The following ARHGAP22 variants were observed in gnomAD, a reference collection of about 807,000 sequenced individuals.
ARHGAP22 encodes the protein rho GTPase-activating protein 22.
In ARHGAP22, 48 loss-of-function variants were observed where a neutral mutation model predicts 59.1. The observed-to-expected ratio is 0.81, with a 90% confidence interval of 0.64 to 1.03. The LOEUF is 1.03. Ranked by LOEUF, ARHGAP22 falls within the 50% of genes least tolerant of loss-of-function variation. ARHGAP22 has a pLI of 0.00. For missense variants in ARHGAP22, 1,015 were observed against 958.7 expected, an observed-to-expected ratio of 1.06 and a Z score of -0.78; for synonymous variants, 445 against 416.4, an observed-to-expected ratio of 1.07 and a Z score of -0.84.
intron 3 of ARHGAP22, chr10:48,511,502 C>T (rs12264798): frequency 0.014 from 2,171 of 152,372 alleles, 38 homozygotes; most frequent in African/African-American, 0.039. Flanking sequence ...TATTGGTAAA[C>T]GGAGGAAGCA....
At chr10:48,494,258 T>C (rs1204108730) in intron 3 of ARHGAP22, among the ~76,000 whole-genome samples, 5 of 152,150 alleles carry the variant, frequency 3.3e-5, no homozygotes, top group Non-Finnish European at 5.9e-5. Context: ...GGATTTGAAC[T>C]CAGCTGTTGT....
the ARHGAP22 span, among the ~76,000 whole-genome samples, chr10:48,434,455 G>A: frequency 1.3e-5 from 2 of 152,250 alleles, no homozygotes; most frequent in African/African-American, 2.4e-5. Context: ...AGACTTTTTT[G>A]TAGGGAAGTA....
chr10:48,635,585 G>C (rs2136120579), intron 1 of ARHGAP22, among the ~76,000 whole-genome samples: 1 of 152,352 alleles, frequency 6.6e-6, no homozygotes, highest in South Asian at 2.1e-4. Context: ...AGGGAGAAAG[G>C]GGGCCGGGTA....
intron 1 of ARHGAP22, among the ~76,000 whole-genome samples, chr10:48,644,854 GA>G (rs2136182038): frequency 6.6e-6 from 1 of 151,796 alleles, no homozygotes; most frequent in East Asian, 1.9e-4. Context: ...TTCATGTTAA[GA>G]AACTAGAAAA....
chr10:48,485,179 A>AT (rs1349861279), intron 3 of ARHGAP22, among the ~76,000 whole-genome samples: 5 of 150,470 alleles, frequency 3.3e-5, no homozygotes, highest in Admixed American at 6.6e-5. Context: ...TCTGATCTTT[A>AT]TTTTTTTTTC....
chr10:48,559,578 C>A (rs2057551183), intron 2 of ARHGAP22, among the ~76,000 whole-genome samples: 1 of 152,136 alleles, frequency 6.6e-6, no homozygotes. Context: ...TATGAGAATG[C>A]CCATTTCTGT....
intron 3 of ARHGAP22, among the ~76,000 whole-genome samples, chr10:48,519,225 C>G (rs1278704127): frequency 6.6e-6 from 1 of 152,210 alleles, no homozygotes; most frequent in Non-Finnish European, 1.5e-5. Context: ...TGCCTCCTGA[C>G]CTCTCCCTCC....
chr10:48,594,207 C>T (rs565052826), intron 1 of ARHGAP22, among the ~76,000 whole-genome samples: 4 of 152,350 alleles, frequency 2.6e-5, no homozygotes, highest in Admixed American at 2.0e-4. Flanking sequence ...AGACTAACAC[C>T]GATCAGCCCA....
chr10:48,479,826 C>T (rs144531462), intron 3 of ARHGAP22, 62 bp from the exon 4 acceptor site: 415 of 1,452,052 alleles, frequency 2.9e-4, no homozygotes, highest in African/African-American at 5.2e-4. Context: ...TCTCCACCGC[C>T]GGCACTAGTC....
In ARHGAP22 at chr10:48,474,265, A is replaced by T. The variant is rs1185080414; in HGVS notation, c.451+5371T>A. On this transcript the variant is annotated intron_variant, in intron 4 of 9. Transcript: ENST00000249601. ...TTTTCAGTTTGTTCATGGCTACTGT[A>T]CACAAATAAAATTGGTTTGTATATA... 2.0e-5 allele frequency among the ~76,000 whole-genome samples: 3 copies of T among 152,314 alleles called. 1 individual carries two copies. In the East Asian group the frequency reaches 5.8e-4, roughly 29 times the overall value.
chr10:48,516,274 C>T (rs1159282676), intron 3 of ARHGAP22, among the ~76,000 whole-genome samples: 2 of 152,184 alleles, frequency 1.3e-5, no homozygotes, highest in Non-Finnish European at 2.9e-5. Context: ...CCTGTAATCC[C>T]AGCACTTTGG....
chr10:48,566,266 G>T (rs2058042088), intron 2 of ARHGAP22, among the ~76,000 whole-genome samples: 1 of 152,024 alleles, frequency 6.6e-6, no homozygotes, highest in East Asian at 1.9e-4. Context: ...ACTCTGATTG[G>T]GGCCTCAGAT....
At chr10:48,647,644 A>G (rs527904132) in intron 1 of ARHGAP22, among the ~76,000 whole-genome samples, 1 of 152,352 alleles carries the variant, frequency 6.6e-6, no homozygotes, top group East Asian at 1.9e-4. Context: ...TTCAGAAAAC[A>G]TTTTGACAGT....
chr10:48,626,669 C>T lies in ARHGAP22; in HGVS notation c.52+25565G>A, dbSNP rs540546360. 4.6e-5 allele frequency among the ~76,000 whole-genome samples: 7 copies of T among 152,276 alleles called. No homozygotes were observed. The South Asian group carries it at 1.0e-3, about 23-fold the overall frequency. Reference sequence around the variant, plus strand: ...AATGTGCCCTCGCAGGAGACAGAGCCGCCTGTCCCCAGGACACTCATGTGG... The same window carrying T: ...AATGTGCCCTCGCAGGAGACAGAGCTGCCTGTCCCCAGGACACTCATGTGG... On this transcript the variant is annotated intron_variant, in intron 1 of 9. Transcript: ENST00000435790.
intron 3 of ARHGAP22, among the ~76,000 whole-genome samples, chr10:48,491,975 C>T (rs1410540785): frequency 6.6e-6 from 1 of 152,204 alleles, no homozygotes; most frequent in Non-Finnish European, 1.5e-5. Context: ...TTTTTGATTC[C>T]AGCCAGGCTT....
Position 48,521,324 on chromosome 10 carries a change from A to G in ARHGAP22, c.322+34139T>C, listed in dbSNP as rs79013977. ...CAGCTTTGCAGCCAGCAGGAGAGCAAGGGGCTCCTGGATAAAGCCCAGGAT... is the reference window on the plus strand; with the variant it reads ...CAGCTTTGCAGCCAGCAGGAGAGCAGGGGGCTCCTGGATAAAGCCCAGGAT... On this transcript the variant is annotated intron_variant, in intron 3 of 9. Coordinates refer to ENST00000249601, the MANE Select transcript of ARHGAP22 (RefSeq NM_021226.4). Among the ~76,000 whole-genome samples the G allele has an allele frequency of 5.3e-3, 811 of 152,302 alleles. 5 individuals carry two copies. The highest frequency in any genetic ancestry group is 0.018 in the African/African-American group (763 of 41,556).
chr10:48,464,690 G>C (rs1377833341), intron 4 of ARHGAP22, among the ~76,000 whole-genome samples: 2 of 152,244 alleles, frequency 1.3e-5, no homozygotes, highest in Non-Finnish European at 2.9e-5. Context: ...GTCTGCACCA[G>C]CACTGGTCTG....
chr10:48,477,415 T>TG (rs1432723012), intron 4 of ARHGAP22, among the ~76,000 whole-genome samples: 1 of 152,206 alleles, frequency 6.6e-6, no homozygotes, highest in African/African-American at 2.4e-5. Flanking sequence ...ATTGTATTGT[T>TG]GCTGGGCACT....
intron 1 of ARHGAP22, among the ~76,000 whole-genome samples, chr10:48,591,650 G>A (rs893164045): frequency 1.3e-5 from 2 of 152,024 alleles, no homozygotes; most frequent in African/African-American, 4.8e-5. Context: ...GAGTAATTGG[G>A]CTGTATTCAT....
Sources: gnomAD v4.1 joint callset for allele counts (sites outside exome capture counted in the v4.1 genomes callset) on GRCh38, gnomAD v4.1.1 for gene constraint, MANE v1.5 for transcripts, NCBI Gene and HGNC (gene_info 2026-07-23, HGNC 2026-07-21) for gene names.